The following THSD7B variants were observed in gnomAD, a reference collection of about 807,000 sequenced individuals.
The protein encoded by THSD7B is thrombospondin type-1 domain-containing protein 7B.
In THSD7B, 138 loss-of-function variants were observed where a neutral mutation model predicts 213.6. The ratio of observed to expected loss-of-function variants is 0.65; its 90% CI spans 0.56 to 0.74. The LOEUF (loss-of-function observed/expected upper bound fraction) is 0.74. Among genes scored for constraint, THSD7B ranks in the 30% least tolerant of loss-of-function variants. THSD7B has a pLI of 0.00. For missense variants in THSD7B, 1,931 were observed against 1,991.5 expected, an observed-to-expected ratio of 0.97 and a Z score of 0.58; for synonymous variants, 742 against 687.0, an observed-to-expected ratio of 1.08 and a Z score of -1.25.
intron 27 of THSD7B, among the ~76,000 whole-genome samples, chr2:137,674,204 C>A (rs1284411030): frequency 1.3e-5 from 2 of 152,140 alleles, no homozygotes; most frequent in Admixed American, 6.5e-5. Flanking sequence ...TTTCTCCTTG[C>A]CCAGTGGCCT....
At chr2:137,522,705 A>G (rs997149080) in intron 15 of THSD7B, among the ~76,000 whole-genome samples, 29 of 152,196 alleles carry the variant, frequency 1.9e-4, no homozygotes, top group Non-Finnish European at 1.5e-5. Context: ...AAAGTTTTGT[A>G]GCAAATCTAC....
At chr2:137,620,219 AGCTG>A (rs1007307570) in intron 19 of THSD7B, among the ~76,000 whole-genome samples, 1 of 152,166 alleles carries the variant, frequency 6.6e-6, no homozygotes, top group African/African-American at 2.4e-5. Context: ...TTTCTAGCCT[AGCTG>A]GCTTTCTGTG....
intron 1 of THSD7B, among the ~76,000 whole-genome samples, chr2:136,816,290 T>C (rs1682472357): frequency 6.6e-6 from 1 of 152,192 alleles, no homozygotes; most frequent in South Asian, 2.1e-4. Context: ...GTCCTTACAT[T>C]CTGGGGATTT....
chr2:137,117,853 C>A (rs1341933014), intron 5 of THSD7B, among the ~76,000 whole-genome samples: 1 of 152,186 alleles, frequency 6.6e-6, no homozygotes, highest in Admixed American at 6.5e-5. Context: ...GTCTCCAGAT[C>A]TCTTGGCCTA....
At chr2:137,626,027 C>T (rs1322632780) in intron 20 of THSD7B, among the ~76,000 whole-genome samples, 2 of 152,210 alleles carry the variant, frequency 1.3e-5, no homozygotes, top group African/African-American at 4.8e-5. Context: ...ATGGCTGCTC[C>T]AGCAGGAATC....
intron 10 of THSD7B, among the ~76,000 whole-genome samples, chr2:137,271,409 A>C (rs1301572879): frequency 4.2e-5 from 6 of 141,418 alleles, no homozygotes; most frequent in Non-Finnish European, 6.0e-5. Context: ...ATATATATGA[A>C]TTATAATATA....
intron 14 of THSD7B, among the ~76,000 whole-genome samples, chr2:137,429,294 C>A (rs1404753329): frequency 6.6e-6 from 1 of 152,038 alleles, no homozygotes; most frequent in Non-Finnish European, 1.5e-5. Context: ...ATTTTAAATT[C>A]ATGAATTATA....
intron 12 of THSD7B, among the ~76,000 whole-genome samples, chr2:137,307,325 G>T (rs2104854894): frequency 6.6e-6 from 1 of 152,168 alleles, no homozygotes; most frequent in African/African-American, 2.4e-5. Flanking sequence ...ACCCCCATCA[G>T]TCAGGGTAAC....
intron 5 of THSD7B, among the ~76,000 whole-genome samples, chr2:137,115,776 C>T (rs767329708): frequency 5.6e-4 from 85 of 152,042 alleles, no homozygotes; most frequent in Non-Finnish European, 6.5e-4. Context: ...AGGAGAAAAC[C>T]ATAGCTTTCT....
At chr2:136,920,383 G>A (rs933313344) in intron 2 of THSD7B, among the ~76,000 whole-genome samples, 6 of 152,170 alleles carry the variant, frequency 3.9e-5, no homozygotes, top group East Asian at 1.9e-4. Context: ...GTGAGTGTCC[G>A]GCTCTTGGCA....
chr2:137,027,967 T>C (rs768541987), intron 2 of THSD7B, among the ~76,000 whole-genome samples: 2 of 152,190 alleles, frequency 1.3e-5, no homozygotes, highest in Non-Finnish European at 2.9e-5. Context: ...ATATTGCTTA[T>C]CATAGTTCCC....
At chr2:137,617,112 G>A (rs577737849) in intron 18 of THSD7B, among the ~76,000 whole-genome samples, 2 of 152,278 alleles carry the variant, frequency 1.3e-5, no homozygotes, top group African/African-American at 4.8e-5. Flanking sequence ...CTTCTGTGGG[G>A]CTGTCTGATT....
At chr2:137,645,441 C>A (rs935556926) in intron 21 of THSD7B, among the ~76,000 whole-genome samples, 11 of 152,268 alleles carry the variant, frequency 7.2e-5, no homozygotes, top group African/African-American at 2.6e-4. Flanking sequence ...TGTGTAAAAT[C>A]TCTTGACTGT....
At chr2:137,389,991 C>T (rs1263181804) in intron 12 of THSD7B, among the ~76,000 whole-genome samples, 1 of 152,030 alleles carries the variant, frequency 6.6e-6, no homozygotes, top group African/African-American at 2.4e-5. Context: ...GCGATGCCTC[C>T]AGCTTTGTTC....
At chr2:137,469,211 G>A (rs1573643396) in intron 15 of THSD7B, among the ~76,000 whole-genome samples, 1 of 152,268 alleles carries the variant, frequency 6.6e-6, no homozygotes, top group East Asian at 1.9e-4. Context: ...TAATTGAATA[G>A]AACACTGAAT....
In THSD7B at chr2:137,163,400, T is replaced by C. The variant is rs139607417; in HGVS notation, c.1525+3032T>C. ...TAGGCTCTATTCCAGTGACTGGTGTTCTTGCAAGAAGAGGAAAATTTGGGC... is the reference window on the plus strand; with the variant it reads ...TAGGCTCTATTCCAGTGACTGGTGTCCTTGCAAGAAGAGGAAAATTTGGGC... On this transcript the variant is annotated intron_variant, in intron 6 of 27. Coordinates refer to ENST00000409968, the MANE Select transcript of THSD7B (RefSeq NM_001316349.2). Among the ~76,000 whole-genome samples the C allele has an allele frequency of 4.6e-5, 7 of 152,310 alleles. No homozygotes were observed. The East Asian group carries it at 1.2e-3, about 25-fold the overall frequency.
At chr2:137,239,588 T>C (rs772940675) in intron 9 of THSD7B, among the ~76,000 whole-genome samples, 14 of 152,198 alleles carry the variant, frequency 9.2e-5, no homozygotes, top group Non-Finnish European at 1.9e-4. Flanking sequence ...AGAAGAGCCA[T>C]GTAGCTCTGC....
chr2:137,552,804 T>G (rs779034189), intron 15 of THSD7B, among the ~76,000 whole-genome samples: 17 of 152,180 alleles, frequency 1.1e-4, no homozygotes, highest in Non-Finnish European at 2.1e-4. Context: ...ATAACTTAGT[T>G]GCTGATTGAA....
chr2:136,923,695 C>T (rs865963426), intron 2 of THSD7B, among the ~76,000 whole-genome samples: 2 of 152,166 alleles, frequency 1.3e-5, no homozygotes, highest in African/African-American at 4.8e-5. Flanking sequence ...TTGTGTGACT[C>T]TTATGATTAG....
Sources: gnomAD v4.1 joint callset for allele counts (sites outside exome capture counted in the v4.1 genomes callset) on GRCh38, gnomAD v4.1.1 for gene constraint, MANE v1.5 for transcripts, NCBI Gene and HGNC (gene_info 2026-07-23, HGNC 2026-07-21) for gene names.